TIMM44: variants seen among roughly 807,000 people sequenced by gnomAD.
TIMM44 encodes the protein translocase of inner mitochondrial membrane 44.
A neutral mutation model predicts 63.8 loss-of-function variants in TIMM44; 37 were observed. The observed-to-expected ratio is 0.58, with a 90% CI of 0.45 to 0.76. TIMM44 has a LOEUF of 0.76. Among genes scored for constraint, TIMM44 ranks in the 30% least tolerant of loss-of-function variants. The pLI is 0.00. For synonymous variants in TIMM44, 239 were observed against 245.1 expected (o/e 0.98, Z 0.23); for missense variants, 573 against 603.8 (o/e 0.95, Z 0.54).
In TIMM44 at chr19:7,940,338, G is replaced by A. The variant is rs549771201; in HGVS notation, c.141+764C>T. ...GCCACCCTGGCCAGCCTTTCTCCAG[G>A]GGAAACCCAGGTTCTAAGTAAAATC... On this transcript the variant is annotated intron_variant, in intron 2 of 12. Coordinates refer to ENST00000270538, the MANE Select transcript of TIMM44 (RefSeq NM_006351.4). Among the ~76,000 whole-genome samples the A allele has an allele frequency of 2.6e-5, 4 of 152,232 alleles. No homozygotes were observed. In the South Asian group the frequency reaches 8.3e-4, roughly 32 times the overall value.
At chr19:7,942,809 C>T (rs1175935807) in intron 1 of TIMM44, among the ~76,000 whole-genome samples, 1 of 151,412 alleles carries the variant, frequency 6.6e-6, no homozygotes, top group Admixed American at 6.6e-5. Flanking sequence ...TACAGGAGCG[C>T]GCCACCATGC....
intron 8 of TIMM44, 23 bp from the exon 9 acceptor site, chr19:7,932,774 T>G: frequency 6.2e-7 from 1 of 1,613,846 alleles, no homozygotes; most frequent in South Asian, 1.1e-5. Context: ...GAGCCGGGAG[T>G]TCGGGGGGAA....
chr19:7,927,060 C>A lies in TIMM44; in HGVS notation c.*127G>T. ...CTCCCGGGCCAGCTGGTCTTGCAGC[C>A]GTCCTGGCAGAGCTGGGGGCAGAGC... On this transcript the variant is annotated 3_prime_UTR_variant, in exon 13 of 13. Transcript: ENST00000270538. 1 of 1,392,934 alleles carries A rather than the reference C, an allele frequency of 7.2e-7. No homozygotes were observed. The highest frequency in any genetic ancestry group is 9.8e-7 in the Non-Finnish European group (1 of 1,021,890). 86.3% of individuals were successfully genotyped at this position (1,392,934 alleles called of 1,614,324 possible). A position where few individuals can be genotyped will look rare whatever the true frequency, so the allele number is the denominator to read the frequency against.
At chr19:7,941,002 A>ACGAG in intron 2 of TIMM44, 100 bp downstream of exon 2, 1 of 933,978 alleles carries the variant, frequency 1.1e-6, no homozygotes, top group Non-Finnish European at 1.7e-6. Flanking sequence ...CCGAGATGGT[A>ACGAG]CGAGCCACCT....
chr19:7,932,314 T>C (rs975305393), intron 9 of TIMM44: 3 of 430,898 alleles, frequency 7.0e-6, no homozygotes, highest in Non-Finnish European at 1.3e-5. Flanking sequence ...GGTGAGGGGC[T>C]CCAGGCACCT....
rs1328895324 is a variant in TIMM44 at position 7,943,512 on chromosome 19, G to T, written c.45+95C>A. 3 of 1,399,098 alleles carry T rather than the reference G, an allele frequency of 2.1e-6. No homozygotes were observed. The highest frequency in any genetic ancestry group is 2.9e-6 in the Non-Finnish European group (3 of 1,021,870). The allele number at this position is 1,399,098 out of a possible 1,614,324, so 86.7% of individuals were successfully genotyped here. A position where few individuals can be genotyped will look rare whatever the true frequency, so the allele number is the denominator to read the frequency against. ...AAGCTTTCTAAGGAGCCCAAGCAAGGGTCGCGAAGGCCAAGGGTCTGAGAA... is the reference window on the plus strand; with the variant it reads ...AAGCTTTCTAAGGAGCCCAAGCAAGTGTCGCGAAGGCCAAGGGTCTGAGAA... On this transcript the variant is annotated intron_variant, in intron 1 of 12. Transcript: ENST00000270538. The surrounding 1 kb of genome is among the most constrained non-coding windows in gnomAD (Gnocchi z 4.3).
At position 7,943,040 on chromosome 19, in the gene TIMM44, C is replaced by CAAA. The variant is rs546602728; in HGVS notation, c.45+564_45+566dup. Among the ~76,000 whole-genome samples, 97 of 84,012 alleles carry CAAA rather than the reference C, an allele frequency of 1.2e-3. 1 individual carries two copies. The highest frequency in any genetic ancestry group is 3.5e-3 in the African/African-American group (89 of 25,502). 55.1% of individuals were successfully genotyped at this position (84,012 alleles called of 152,430 possible). ...GGGCGACAAGAGCGAAACTCTGTCT[C>CAAA]AAAAAAAAAAAAAAAAGAGAAAAAA... On this transcript the variant is annotated intron_variant, in intron 1 of 12. Transcript: ENST00000270538. This position sits in a 1 kb window ranked among gnomAD's most constrained non-coding sequence, Gnocchi z 4.3.
rs1231767745 is a variant in TIMM44 at position 7,943,132 on chromosome 19, C to T, written c.45+475G>A. ...GAGTGCGCCTTACACGTCTTGACTG[C>T]CACTGCCCTGTGGACCCAAGAGCCT... On this transcript the variant is annotated intron_variant, in intron 1 of 12. Coordinates refer to ENST00000270538, the MANE Select transcript of TIMM44 (RefSeq NM_006351.4). This position sits in a 1 kb window ranked among gnomAD's most constrained non-coding sequence, Gnocchi z 4.3. 6.6e-6 allele frequency among the ~76,000 whole-genome samples: 1 copy of T among 152,120 alleles called. No individual in the cohort carries two copies. The highest frequency in any genetic ancestry group is 1.5e-5 in the Non-Finnish European group (1 of 68,032).
In TIMM44 at chr19:7,941,206, G is replaced by T. The variant is rs199530343; in HGVS notation, c.46-9C>A. 8.5e-5 allele frequency: 137 copies of T among 1,602,892 alleles called. No individual in the cohort carries two copies. The highest frequency in any genetic ancestry group is 6.8e-6 in the Non-Finnish European group (8 of 1,169,822). On this transcript the variant is annotated splice_polypyrimidine_tract_variant and intron_variant, in intron 1 of 12. Transcript: ENST00000270538. ...CCACTGCCGAGGCATCTCTAATTGG[G>T]GGGAGAGAAGAGAAAGATCCATTCT...
chr19:7,932,723 C>T lies in TIMM44; in HGVS notation c.891G>A (p.Ser297=), dbSNP rs749735247. ...LGGLFSKTEM[S]EVLTEILRVD... is the part of the protein sequence containing the mutation. ...CCCGGAGGATCTCCGTGAGCACCTC[C>T]GACATCTCTGTCTTGGAGAACAGGC... is the stretch of plus-strand genomic sequence containing the variant. The change falls in exon 9 of 13, where the codon TCG becomes TCA. Residue 297 remains serine, a synonymous_variant. Coordinates refer to ENST00000270538, the MANE Select transcript of TIMM44 (RefSeq NM_006351.4). 6.2e-6 allele frequency: 10 copies of T among 1,614,000 alleles called. No homozygotes were observed. Among genetic ancestry groups the T allele is most frequent in the African/African-American group, 1.3e-5 (1 of 74,924 alleles).
chr19:7,933,502 T>C lies in TIMM44; in HGVS notation c.752A>G (p.Asn251Ser), dbSNP rs766746116. The C allele has an allele frequency of 1.2e-6, 2 of 1,614,140 alleles. No individual in the cohort carries two copies. Among genetic ancestry groups the C allele is most frequent in the Non-Finnish European group, 8.5e-7 (1 of 1,179,998 alleles). Reference protein sequence around the residue: ...WYQQWKDFKENNVVFNRFFEM... With the variant: ...WYQQWKDFKESNVVFNRFFEM... ...TCACTCACGGTTAAACACCACGTTG[T>C]TCTCCTTGAAGTCCTTCCACTGCTG... Residue 251 changes from asparagine to serine, a missense_variant, in exon 7 of 13, where the codon AAC (asparagine) becomes AGC (serine). Physicochemically the swap from Asn to Ser is conservative, Grantham distance 46. Coordinates refer to ENST00000270538, the MANE Select transcript of TIMM44 (RefSeq NM_006351.4). This position sits in a 1 kb window ranked among gnomAD's most constrained non-coding sequence, Gnocchi z 4.3.
In TIMM44 at chr19:7,933,046, G is replaced by T; in HGVS notation, c.770-114C>A. The T allele has an allele frequency of 1.2e-6, 1 of 829,254 alleles. No individual in the cohort carries two copies. Among genetic ancestry groups the T allele is most frequent in the East Asian group, 2.6e-5 (1 of 37,902 alleles). The allele number at this position is 829,254 out of a possible 1,614,324, so 51.4% of individuals were successfully genotyped here. On this transcript the variant is annotated intron_variant, in intron 7 of 12. Transcript: ENST00000270538. This position sits in a 1 kb window ranked among gnomAD's most constrained non-coding sequence, Gnocchi z 4.3. Reference sequence around the variant, plus strand: ...TGCGGGATCCACCCTGACACGGGTGGGGTCAGGGAGGGGACGGCTGTGGAC... The same window carrying T: ...TGCGGGATCCACCCTGACACGGGTGTGGTCAGGGAGGGGACGGCTGTGGAC...
chr19:7,941,020 C>T, intron 2 of TIMM44, 82 bp downstream of exon 2: 1 of 1,144,346 alleles, frequency 8.7e-7, no homozygotes, highest in Non-Finnish European at 1.3e-6. Flanking sequence ...CCTCTACAGC[C>T]CCACCCCTCC....
At chr19:7,930,131 T>A (rs4804836) in intron 10 of TIMM44, among the ~76,000 whole-genome samples, 1 of 151,904 alleles carries the variant, frequency 6.6e-6, no homozygotes, top group Non-Finnish European at 1.5e-5. Context: ...TGACAGGCGT[T>A]AGCCACCGTG....
Position 7,934,647 on chromosome 19 carries a change from G to A in TIMM44, c.394-409C>T, listed in dbSNP as rs868026707. 1.4e-4 allele frequency among the ~76,000 whole-genome samples: 22 copies of A among 152,294 alleles called. No homozygotes were observed. Among genetic ancestry groups the A allele is most frequent in the Non-Finnish European group, 2.9e-4 (20 of 68,000 alleles). On this transcript the variant is annotated intron_variant, in intron 4 of 12. Transcript: ENST00000270538. This position sits in a 1 kb window ranked among gnomAD's most constrained non-coding sequence, Gnocchi z 5.3. Reference sequence around the variant, plus strand: ...CAAGGATTCCCAAGGAGGGGACCCCGGGGAAAGAACGGCGGTGAGGGCGCC... The same window carrying A: ...CAAGGATTCCCAAGGAGGGGACCCCAGGGAAAGAACGGCGGTGAGGGCGCC...
At position 7,927,740 on chromosome 19, in the gene TIMM44, C is replaced by T. The variant is rs201450352; in HGVS notation, c.1156G>A (p.Gly386Arg). The T allele has an allele frequency of 8.6e-5, 138 of 1,612,404 alleles. No homozygotes were observed. The highest frequency in any genetic ancestry group is 1.1e-4 in the Non-Finnish European group (132 of 1,180,020). ...DLAMGKMMEQ[G>R]PVLIITFQAQ... ...TGGAAGGTGATGATCAGCACCGGCC[C>T]CTGCTCCATCATCTTGCCCATGGCC... The change falls in exon 12 of 13, where the codon GGG becomes AGG. Residue 386 changes from glycine to arginine, a missense_variant. Transcript: ENST00000270538.
At chr19:7,942,595 G>A (rs1984339397) in intron 1 of TIMM44, among the ~76,000 whole-genome samples, 1 of 151,666 alleles carries the variant, frequency 6.6e-6, no homozygotes, top group Admixed American at 6.6e-5. Flanking sequence ...TCCTACCTCT[G>A]AGAACCCTAT....
At chr19:7,940,406 T>C (rs964522688) in intron 2 of TIMM44, among the ~76,000 whole-genome samples, 2 of 151,926 alleles carry the variant, frequency 1.3e-5, no homozygotes, top group Non-Finnish European at 2.9e-5. Context: ...CCAGAGACTC[T>C]TGGGCTACAA....
chr19:7,928,300 G>A, intron 10 of TIMM44, 134 bp from the exon 11 acceptor site: 1 of 709,522 alleles, frequency 1.4e-6, no homozygotes, highest in Non-Finnish European at 2.4e-6. Flanking sequence ...AAGAACCCAG[G>A]TCCAAGTGGG....
Sources: allele counts gnomAD v4.1 joint callset (sites outside exome capture counted in the v4.1 genomes callset), GRCh38; gene constraint gnomAD v4.1.1; non-coding constraint Gnocchi (gnomAD v3.1); transcripts MANE v1.5; gene names NCBI Gene and HGNC (gene_info 2026-07-23, HGNC 2026-07-21).